The following BLTP1 variants were observed in gnomAD, a reference collection of about 807,000 sequenced individuals.
BLTP1 encodes the protein bridge-like lipid transfer protein family member 1.
the BLTP1 span, chr4:122,169,620 ATTG>A: frequency 2.1e-6 from 2 of 959,978 alleles, no homozygotes; most frequent in African/African-American, 1.8e-5. Flanking sequence ...CTTTTTTCTT[ATTG>A]TTGGTACATC....
chr4:122,162,552 G>A, the BLTP1 span: 1 of 985,402 alleles, frequency 1.0e-6, no homozygotes, highest in Non-Finnish European at 1.2e-6. Context: ...ATCTTGCTGA[G>A]ATGGGGTGGA....
chr4:122,317,379 A>G, the BLTP1 span, among the ~76,000 whole-genome samples: 24 of 152,070 alleles, frequency 1.6e-4, 1 homozygote, highest in Admixed American at 2.6e-4. Flanking sequence ...GTTTTTCACA[A>G]CTTATTTCTG....
At chr4:122,198,450 T>G in the BLTP1 span, 1 of 985,230 alleles carries the variant, frequency 1.0e-6, no homozygotes, top group Non-Finnish European at 1.2e-6. Flanking sequence ...TTGATAATGT[T>G]TCAGTTAAGG....
the BLTP1 span, chr4:122,272,420 T>C: frequency 1.3e-5 from 20 of 1,587,886 alleles, no homozygotes; most frequent in East Asian, 4.5e-4. Flanking sequence ...GAATGATTTT[T>C]CTAATAAAGT....
At chr4:122,316,757 C>T in the BLTP1 span, 3 of 1,611,722 alleles carry the variant, frequency 1.9e-6, no homozygotes, top group Admixed American at 5.0e-5. Context: ...CGAAGACAGG[C>T]AGCATCTGCT....
chr4:122,224,304 G>T, the BLTP1 span: 2 of 291,248 alleles, frequency 6.9e-6, no homozygotes, highest in South Asian at 1.3e-4. Context: ...ACTCTCATAG[G>T]TATTGTTCAT....
the BLTP1 span, among the ~76,000 whole-genome samples, chr4:122,223,409 T>A: frequency 6.6e-6 from 1 of 152,192 alleles, no homozygotes; most frequent in Admixed American, 6.5e-5. Flanking sequence ...GAAGGCTCTG[T>A]GAACACTTGC....
At chr4:122,248,564 T>C in the BLTP1 span, among the ~76,000 whole-genome samples, 1 of 152,014 alleles carries the variant, frequency 6.6e-6, no homozygotes, top group Admixed American at 6.6e-5. Flanking sequence ...TTTTTTGAAC[T>C]TTGATACATC....
chr4:122,319,818 T>C, the BLTP1 span, among the ~76,000 whole-genome samples: 2 of 152,166 alleles, frequency 1.3e-5, no homozygotes, highest in South Asian at 2.1e-4. Context: ...GGATTACAGG[T>C]GTGAGCCACC....
At chr4:122,248,129 T>G in the BLTP1 span, 1 of 985,126 alleles carries the variant, frequency 1.0e-6, no homozygotes, top group Non-Finnish European at 1.2e-6. Flanking sequence ...GGCTTATTTT[T>G]TTCATCCCAG....
chr4:122,189,215 T>G, the BLTP1 span: 2 of 817,946 alleles, frequency 2.4e-6, no homozygotes, highest in Non-Finnish European at 3.0e-6. Context: ...TTAAGCTTTG[T>G]GATTTAATAC....
At chr4:122,202,109 A>G in the BLTP1 span, 3 of 153,642 alleles carry the variant, frequency 2.0e-5, no homozygotes, top group Non-Finnish European at 2.9e-5. Flanking sequence ...CAAGTCTTTC[A>G]TATTTCTTTT....
the BLTP1 span, chr4:122,234,758 T>C: frequency 4.4e-5 from 68 of 1,559,306 alleles, no homozygotes; most frequent in South Asian, 7.6e-4. Context: ...TTGTTTTCTT[T>C]TGGGGTCGGT....
chr4:122,177,820 C>T, the BLTP1 span: 1 of 152,218 alleles, frequency 6.6e-6, no homozygotes, highest in Admixed American at 6.5e-5. Context: ...CCCCCACAAA[C>T]TAGCACTCTT....
At chr4:122,348,444 T>C in the BLTP1 span, 2 of 789,736 alleles carry the variant, frequency 2.5e-6, no homozygotes, top group Non-Finnish European at 1.9e-6. Flanking sequence ...CATTAAACAT[T>C]AGATTCTAAT....
chr4:122,252,177 G>A, the BLTP1 span, among the ~76,000 whole-genome samples: 3 of 152,186 alleles, frequency 2.0e-5, no homozygotes, highest in Non-Finnish European at 4.4e-5. Context: ...TGGGCCTTGG[G>A]TGACCCTCTA....
chr4:122,161,142 C>T, the BLTP1 span: 1 of 983,802 alleles, frequency 1.0e-6, no homozygotes, highest in South Asian at 4.7e-5. Context: ...TATTTTCCAG[C>T]CCTTAAAGAA....
chr4:122,326,536 T>G, the BLTP1 span, among the ~76,000 whole-genome samples: 22 of 151,716 alleles, frequency 1.5e-4, no homozygotes, highest in Non-Finnish European at 3.2e-4. Flanking sequence ...AAGAACTATT[T>G]AATTGTAATG....
At chr4:122,322,637 T>G in the BLTP1 span, among the ~76,000 whole-genome samples, 2 of 152,130 alleles carry the variant, frequency 1.3e-5, no homozygotes, top group Admixed American at 1.3e-4. Flanking sequence ...GAAGCTTTAG[T>G]GAGGTAATGT....
Sources: allele counts gnomAD v4.1 joint callset (sites outside exome capture counted in the v4.1 genomes callset), GRCh38; gene constraint gnomAD v4.1.1; transcripts MANE v1.5; gene names NCBI Gene and HGNC (gene_info 2026-07-23, HGNC 2026-07-21).